The following RHOA variants were observed in gnomAD, a reference collection of about 807,000 sequenced individuals.
RHOA encodes the protein transforming protein RhoA.
In RHOA, 3 loss-of-function variants were observed where a neutral mutation model predicts 17.5. The ratio of observed to expected loss-of-function variants is 0.17; its 90% confidence interval spans 0.08 to 0.44. The LOEUF (loss-of-function observed/expected upper bound fraction) is 0.44. RHOA is among the 20% of genes least tolerant of loss of function. The pLI is 0.99. For synonymous variants in RHOA, 98 were observed against 88.4 expected, an observed-to-expected ratio of 1.11 and a Z score of -0.61; for missense variants, 56 against 242.3, an observed-to-expected ratio of 0.23 and a Z score of 5.10.
At chr3:49,402,613 G>A (rs1385010297) in intron 1 of RHOA, among the ~76,000 whole-genome samples, 1 of 152,116 alleles carries the variant, frequency 6.6e-6, no homozygotes, top group African/African-American at 2.4e-5. Context: ...GTTAGAGGCT[G>A]CAGTGAGCCA....
chr3:49,361,533 C>G (rs1320792954), intron 4 of RHOA, among the ~76,000 whole-genome samples: 1 of 152,188 alleles, frequency 6.6e-6, no homozygotes, highest in African/African-American at 2.4e-5. Context: ...TCAGTTGCCA[C>G]TAATTTATCT....
At chr3:49,371,588 T>C (rs1020735114) in intron 2 of RHOA, among the ~76,000 whole-genome samples, 5 of 152,106 alleles carry the variant, frequency 3.3e-5, no homozygotes, top group Admixed American at 6.6e-5. Flanking sequence ...CCTTATACTA[T>C]TGCATACTGT....
At chr3:49,365,870 C>T (rs913336375) in intron 3 of RHOA, among the ~76,000 whole-genome samples, 3 of 152,012 alleles carry the variant, frequency 2.0e-5, no homozygotes, top group Admixed American at 1.3e-4. Flanking sequence ...GGATTACAGG[C>T]GTGAGCCACC....
At position 49,401,041 on chromosome 3, in the gene RHOA, C is replaced by CAAAAAAAAAAAAAAAAAAA. The variant is rs57354041; in HGVS notation, c.-3+10760_-3+10778dup. On this transcript the variant is annotated intron_variant, in intron 1 of 4. Coordinates refer to ENST00000418115, the MANE Select transcript of RHOA (RefSeq NM_001664.4). ...AGCCTGGGCGACAGAGACTCCGTCT[C>CAAAAAAAAAAAAAAAAAAA]AAAAAAAAAAAAAAAAAAAAGAGTT... Among the ~76,000 whole-genome samples, 67 of 67,576 alleles carry CAAAAAAAAAAAAAAAAAAA rather than the reference C, an allele frequency of 9.9e-4. 1 individual carries two copies. Among genetic ancestry groups the CAAAAAAAAAAAAAAAAAAA allele is most frequent in the South Asian group, 2.1e-3 (2 of 970 alleles). The allele number at this position is 67,576 out of a possible 152,430, so 44.3% of individuals were successfully genotyped here.
At chr3:49,401,303 G>T (rs2048720886) in intron 1 of RHOA, among the ~76,000 whole-genome samples, 1 of 152,020 alleles carries the variant, frequency 6.6e-6, no homozygotes, top group African/African-American at 2.4e-5. Context: ...AGGACTGCTT[G>T]AAGCCAAGAG....
chr3:49,405,147 A>C (rs1168204843), intron 1 of RHOA, among the ~76,000 whole-genome samples: 1 of 149,174 alleles, frequency 6.7e-6, no homozygotes, highest in Non-Finnish European at 1.5e-5. Flanking sequence ...AGTCTCAGCT[A>C]CTCAGGAGGC....
intron 1 of RHOA, among the ~76,000 whole-genome samples, chr3:49,386,688 G>C (rs1445255029): frequency 6.6e-6 from 1 of 152,088 alleles, no homozygotes; most frequent in African/African-American, 2.4e-5. Context: ...TGAAAGACTC[G>C]ATTAATTAAT....
chr3:49,405,373 G>A (rs913638147), intron 1 of RHOA, among the ~76,000 whole-genome samples: 1 of 152,030 alleles, frequency 6.6e-6, no homozygotes, highest in African/African-American at 2.4e-5. Context: ...GGAGGTTGCA[G>A]TGAGCTGGGA....
intron 1 of RHOA, among the ~76,000 whole-genome samples, chr3:49,389,333 T>C (rs886088306): frequency 8.0e-5 from 12 of 149,770 alleles, no homozygotes; most frequent in African/African-American, 2.7e-4. Context: ...AAAAGGAGCA[T>C]AGTGGTTGCT....
chr3:49,406,979 C>T (rs899917921), intron 1 of RHOA, among the ~76,000 whole-genome samples: 1 of 151,824 alleles, frequency 6.6e-6, no homozygotes, highest in African/African-American at 2.4e-5. Flanking sequence ...CCCGTCTTTA[C>T]TAAAAATACA....
chr3:49,377,455 G>A (rs1178202468), intron 1 of RHOA, among the ~76,000 whole-genome samples: 2 of 151,984 alleles, frequency 1.3e-5, no homozygotes, highest in Non-Finnish European at 2.9e-5. Context: ...AATTAGCCAG[G>A]AGCGGTGGTG....
intron 1 of RHOA, among the ~76,000 whole-genome samples, chr3:49,404,547 G>C (rs2048785187): frequency 7.6e-6 from 1 of 132,428 alleles, no homozygotes; most frequent in Non-Finnish European, 1.5e-5. Context: ...GGTAGGCAGA[G>C]ATTGCAGTGA....
chr3:49,390,650 A>G (rs771024560), intron 1 of RHOA, among the ~76,000 whole-genome samples: 2 of 152,186 alleles, frequency 1.3e-5, no homozygotes, highest in Non-Finnish European at 2.9e-5. Context: ...AGATGTAACA[A>G]AAGTTGGACT....
At chr3:49,381,005 T>A (rs890274554) in intron 1 of RHOA, among the ~76,000 whole-genome samples, 1 of 151,974 alleles carries the variant, frequency 6.6e-6, no homozygotes, top group South Asian at 2.1e-4. Flanking sequence ...AACTTTTTTT[T>A]TTTTTGCAAA....
chr3:49,400,730 G>C (rs2048708353), intron 1 of RHOA, among the ~76,000 whole-genome samples: 1 of 150,912 alleles, frequency 6.6e-6, no homozygotes, highest in Non-Finnish European at 1.5e-5. Context: ...AAAAAGGTGA[G>C]GTGGGGGGAT....
chr3:49,407,442 C>T (rs1248888088), intron 1 of RHOA, among the ~76,000 whole-genome samples: 3 of 152,016 alleles, frequency 2.0e-5, no homozygotes, highest in African/African-American at 7.2e-5. Flanking sequence ...ACCATGTGGC[C>T]AGGCTGGTCT....
In RHOA at chr3:49,402,085, T is replaced by C. The variant is rs978292950; in HGVS notation, c.-3+9735A>G. Among the ~76,000 whole-genome samples, 11 of 152,170 alleles carry C rather than the reference T, an allele frequency of 7.2e-5. No homozygotes were observed. The East Asian group carries it at 2.1e-3, about 29-fold the overall frequency. Reference sequence around the variant, plus strand: ...AAAATCACTTCAAACTCAAGTTCTTTGGGGAAAGACAGGCAAGGAACAATC... The same window carrying C: ...AAAATCACTTCAAACTCAAGTTCTTCGGGGAAAGACAGGCAAGGAACAATC... On this transcript the variant is annotated intron_variant, in intron 1 of 4. Transcript: ENST00000418115.
chr3:49,408,261 CGTATACACGTATAT>C (rs1388217671), intron 1 of RHOA, among the ~76,000 whole-genome samples: 7 of 52,570 alleles, frequency 1.3e-4, no homozygotes, highest in Non-Finnish European at 3.1e-4. Flanking sequence ...CATATATATA[CGTATACACGTATAT>C]ACGTATACAC....
intron 2 of RHOA, among the ~76,000 whole-genome samples, chr3:49,373,909 TAAAACCCAAA>T (rs1392968382): frequency 6.7e-6 from 1 of 149,808 alleles, no homozygotes; most frequent in African/African-American, 2.5e-5. Context: ...AAACCAAAAT[TAAAACCCAAA>T]AAAACCCTCC....
Sources: gnomAD v4.1 joint callset for allele counts (sites outside exome capture counted in the v4.1 genomes callset) on GRCh38, gnomAD v4.1.1 for gene constraint, MANE v1.5 for transcripts, NCBI Gene and HGNC (gene_info 2026-07-23, HGNC 2026-07-21) for gene names.